The following RBPMS variants were observed in gnomAD, a reference collection of about 807,000 sequenced individuals.
The protein encoded by RBPMS is RNA-binding protein with multiple splicing.
A neutral mutation model predicts 26.8 loss-of-function variants in RBPMS; 7 were observed. The observed-to-expected ratio is 0.26, with a 90% CI of 0.15 to 0.49. The LOEUF (loss-of-function observed/expected upper bound fraction) is 0.49. Among genes scored for constraint, RBPMS ranks in the 20% least tolerant of loss-of-function variants. The probability of loss-of-function intolerance (pLI) is 0.98; values close to 1 mark genes in which losing one functional copy is unlikely to be tolerated. For missense variants in RBPMS, 186 were observed against 250.0 expected, an observed-to-expected ratio of 0.74 and a Z score of 1.73; for synonymous variants, 96 against 93.3, an observed-to-expected ratio of 1.03 and a Z score of -0.17.
At chr8:30,411,323 A>G (rs544191267) in intron 1 of RBPMS, among the ~76,000 whole-genome samples, 2 of 151,670 alleles carry the variant, frequency 1.3e-5, no homozygotes, top group African/African-American at 4.9e-5. Context: ...TGTGGGAGAC[A>G]GAGGACGGAG....
intron 5 of RBPMS, among the ~76,000 whole-genome samples, chr8:30,539,633 CT>C (rs111726637): frequency 7.6e-5 from 11 of 145,088 alleles, no homozygotes; most frequent in African/African-American, 1.5e-4. Flanking sequence ...AAAATCTTTT[CT>C]TTTTTTTTTG....
At chr8:30,475,842 C>T (rs1398088069) in intron 2 of RBPMS, among the ~76,000 whole-genome samples, 1 of 152,176 alleles carries the variant, frequency 6.6e-6, no homozygotes, top group African/African-American at 2.4e-5. Flanking sequence ...GTCCACCTGA[C>T]AGCCATCGCT....
At chr8:30,486,502 G>A (rs546570074) in intron 4 of RBPMS, among the ~76,000 whole-genome samples, 2 of 151,696 alleles carry the variant, frequency 1.3e-5, no homozygotes, top group South Asian at 2.1e-4. Context: ...GCATGGTGGC[G>A]GCTGCCTGTA....
chr8:30,456,079 CAGA>C (rs2150761716), intron 1 of RBPMS, among the ~76,000 whole-genome samples: 1 of 152,074 alleles, frequency 6.6e-6, no homozygotes, highest in East Asian at 1.9e-4. Context: ...TGAATGAGGT[CAGA>C]AGAGCAATAA....
chr8:30,563,709 A>G (rs985765058), intron 7 of RBPMS, among the ~76,000 whole-genome samples: 1 of 152,158 alleles, frequency 6.6e-6, no homozygotes, highest in Admixed American at 6.5e-5. Flanking sequence ...TGTGAGCTTG[A>G]GTCATCCTCA....
At chr8:30,425,967 T>C (rs886260298) in intron 1 of RBPMS, among the ~76,000 whole-genome samples, 1 of 152,054 alleles carries the variant, frequency 6.6e-6, no homozygotes, top group Non-Finnish European at 1.5e-5. Context: ...TTATCGATGG[T>C]GTTGTTCTTA....
At chr8:30,392,152 A>T (rs1262513259) in intron 1 of RBPMS, among the ~76,000 whole-genome samples, 1 of 152,120 alleles carries the variant, frequency 6.6e-6, no homozygotes, top group East Asian at 1.9e-4. Flanking sequence ...AAGTAGAGGT[A>T]GTTGAGTTGA....
chr8:30,386,612 T>G (rs1807122707), intron 1 of RBPMS, among the ~76,000 whole-genome samples: 1 of 152,360 alleles, frequency 6.6e-6, no homozygotes, highest in East Asian at 1.9e-4. Context: ...TGGTGTGTTC[T>G]GATTTTTTTT....
chr8:30,418,358 G>C (rs1810343500), intron 1 of RBPMS, among the ~76,000 whole-genome samples: 1 of 152,124 alleles, frequency 6.6e-6, no homozygotes, highest in Non-Finnish European at 1.5e-5. Context: ...CTGGGACGCA[G>C]GTGCACACCG....
chr8:30,432,918 GA>G (rs1563313579), intron 1 of RBPMS, among the ~76,000 whole-genome samples: 1 of 152,180 alleles, frequency 6.6e-6, no homozygotes, highest in East Asian at 1.9e-4. Flanking sequence ...GTTGATCCAA[GA>G]AAAATCACAC....
At chr8:30,461,435 C>T (rs1815884014) in intron 1 of RBPMS, among the ~76,000 whole-genome samples, 1 of 152,182 alleles carries the variant, frequency 6.6e-6, no homozygotes, top group Admixed American at 6.5e-5. Flanking sequence ...CGCCCTGTCG[C>T]CCAGGCTGGA....
intron 4 of RBPMS, among the ~76,000 whole-genome samples, chr8:30,502,566 C>T (rs1820673749): frequency 6.6e-6 from 1 of 152,176 alleles, no homozygotes; most frequent in Non-Finnish European, 1.5e-5. Context: ...AAGTTGATGG[C>T]AAGTTGCTAC....
intron 1 of RBPMS, among the ~76,000 whole-genome samples, chr8:30,388,868 A>G (rs1172078372): frequency 6.6e-6 from 1 of 152,116 alleles, no homozygotes; most frequent in Non-Finnish European, 1.5e-5. Flanking sequence ...AAAACTAAAA[A>G]AGCAAAAAAC....
At chr8:30,562,635 C>T (rs954204489) in intron 7 of RBPMS, among the ~76,000 whole-genome samples, 2 of 152,154 alleles carry the variant, frequency 1.3e-5, no homozygotes, top group Non-Finnish European at 2.9e-5. Context: ...GAATTGGAAA[C>T]AGTGGTGCTG....
intron 4 of RBPMS, among the ~76,000 whole-genome samples, chr8:30,501,443 GTT>G (rs1176391506): frequency 1.3e-3 from 200 of 152,174 alleles, no homozygotes; most frequent in African/African-American, 4.4e-3. Flanking sequence ...ACAAGAATAT[GTT>G]GTTTCTCAGC....
chr8:30,466,663 C>T (rs932783439), intron 1 of RBPMS, among the ~76,000 whole-genome samples: 20 of 150,236 alleles, frequency 1.3e-4, no homozygotes, highest in East Asian at 9.8e-4. Flanking sequence ...GGCGCAATCT[C>T]GGCTCACAGC....
chr8:30,409,445 G>C (rs918849225), intron 1 of RBPMS, among the ~76,000 whole-genome samples: 2 of 151,954 alleles, frequency 1.3e-5, no homozygotes, highest in East Asian at 3.9e-4. Context: ...TGCCTGCCTC[G>C]GCCTCCCAAA....
At chr8:30,437,355 T>C (rs1812582020) in intron 1 of RBPMS, among the ~76,000 whole-genome samples, 1 of 152,098 alleles carries the variant, frequency 6.6e-6, no homozygotes, top group East Asian at 1.9e-4. Flanking sequence ...TGAAGGCTTT[T>C]TTAAAAACGA....
At chr8:30,511,756 C>T (rs976078300) in intron 5 of RBPMS, among the ~76,000 whole-genome samples, 2 of 149,902 alleles carry the variant, frequency 1.3e-5, no homozygotes, top group African/African-American at 2.5e-5. Flanking sequence ...CCCGGGAGGC[C>T]GAGGTTGCAG....
Sources: allele counts gnomAD v4.1 joint callset (sites outside exome capture counted in the v4.1 genomes callset), GRCh38; gene constraint gnomAD v4.1.1; transcripts MANE v1.5; gene names NCBI Gene and HGNC (gene_info 2026-07-23, HGNC 2026-07-21).